Variants in DUSP22 observed in about 807,000 individuals in gnomAD.
DUSP22 encodes dual specificity protein phosphatase 22.
DUSP22 carries 24 observed loss-of-function variants against 24.5 expected under a neutral mutation model. That is an observed-to-expected ratio of 0.98 (90% CI 0.71 to 1.38). The LOEUF (loss-of-function observed/expected upper bound fraction) is 1.38. Ranked by LOEUF, DUSP22 falls within the 40% of genes most tolerant of loss-of-function variation. The pLI, the probability that DUSP22 is intolerant of heterozygous loss-of-function variation, is 0.00. For missense variants in DUSP22, 330 were observed against 269.2 expected (o/e 1.23, Z -1.58); for synonymous variants, 160 against 106.4 (o/e 1.50, Z -3.10).
At chr6:312,840 G>A (rs1473819313) in intron 3 of DUSP22, among the ~76,000 whole-genome samples, 1 of 152,306 alleles carries the variant, frequency 6.6e-6, no homozygotes, top group African/African-American at 2.4e-5. Flanking sequence ...TAAAATTGAT[G>A]AGAATGTAGA....
chr6:320,800 G>T (rs553016575), intron 3 of DUSP22, among the ~76,000 whole-genome samples: 1 of 152,418 alleles, frequency 6.6e-6, no homozygotes, highest in African/African-American at 2.4e-5. Context: ...TGATAGAGTG[G>T]AGGCGGTGGT....
At chr6:340,227 C>G (rs1345729213) in intron 4 of DUSP22, among the ~76,000 whole-genome samples, 1 of 152,300 alleles carries the variant, frequency 6.6e-6, no homozygotes, top group Non-Finnish European at 1.5e-5. Context: ...CGTGAAATAT[C>G]AAAGTTGGGG....
chr6:341,684 C>T (rs910915083), intron 4 of DUSP22, among the ~76,000 whole-genome samples: 4 of 152,310 alleles, frequency 2.6e-5, no homozygotes, highest in Admixed American at 6.5e-5. Context: ...TATCATGATG[C>T]CTGCACAAGG....
intron 4 of DUSP22, among the ~76,000 whole-genome samples, chr6:341,552 G>A (rs1759607662): frequency 6.6e-6 from 1 of 152,310 alleles, no homozygotes; most frequent in African/African-American, 2.4e-5. Context: ...GCATTTCTAG[G>A]AATATCTCTC....
At position 335,695 on chromosome 6, in the gene DUSP22, CCTT is replaced by C. The variant is rs535738051; in HGVS notation, c.188+536_188+538del. On this transcript the variant is annotated intron_variant, in intron 4 of 6. Coordinates refer to ENST00000419235, the MANE Select transcript of DUSP22 (RefSeq NM_001286555.3). ...AAAAAATTAATGAGCAAGTTTATGT[CCTT>C]CTTTCATACGAAGTCTGGGGGCTCT... 2.2e-4 allele frequency among the ~76,000 whole-genome samples: 33 copies of C among 152,402 alleles called. No individual in the cohort carries two copies. The South Asian group carries it at 5.2e-3, about 24-fold the overall frequency.
intron 2 of DUSP22, among the ~76,000 whole-genome samples, chr6:309,338 C>T (rs1470935386): frequency 3.3e-5 from 5 of 152,308 alleles, no homozygotes; most frequent in African/African-American, 9.6e-5. Flanking sequence ...TTTTCTTTCT[C>T]ACTTTGGGTC....
At chr6:295,773 C>T (rs567038198) in intron 1 of DUSP22, among the ~76,000 whole-genome samples, 2 of 150,758 alleles carry the variant, frequency 1.3e-5, no homozygotes, top group South Asian at 2.1e-4. Flanking sequence ...GCACTCCAGC[C>T]TGAGCGACAG....
At chr6:318,379 AG>A (rs2127402025) in intron 3 of DUSP22, among the ~76,000 whole-genome samples, 1 of 152,424 alleles carries the variant, frequency 6.6e-6, no homozygotes, top group Non-Finnish European at 1.5e-5. Context: ...AAAAGCTAAG[AG>A]GACATTCAGG....
chr6:349,952 C>T lies in DUSP22; in HGVS notation c.*1001C>T. On this transcript the variant is annotated 3_prime_UTR_variant, in exon 7 of 7. Coordinates refer to ENST00000419235, the MANE Select transcript of DUSP22 (RefSeq NM_001286555.3). ...CGCTGTCCTCACTTTGCAGGGGCTC[C>T]TCCTCAACATTTGCATGCACCTGCA... is the stretch of plus-strand genomic sequence containing the variant. 1 of 985,812 alleles carries T rather than the reference C, an allele frequency of 1.0e-6. No individual in the cohort carries two copies. Among genetic ancestry groups the T allele is most frequent in the Non-Finnish European group, 1.2e-6 (1 of 830,098 alleles). 61.1% of individuals were successfully genotyped at this position (985,812 alleles called of 1,614,324 possible).
intron 1 of DUSP22, among the ~76,000 whole-genome samples, chr6:294,387 C>T (rs1373023086): frequency 6.6e-6 from 1 of 152,256 alleles, no homozygotes; most frequent in Non-Finnish European, 1.5e-5. Flanking sequence ...TGGTAAATGA[C>T]CCAAAGATTC....
intron 1 of DUSP22, among the ~76,000 whole-genome samples, chr6:296,978 C>A (rs1478386177): frequency 6.6e-6 from 1 of 152,304 alleles, no homozygotes; most frequent in Non-Finnish European, 1.5e-5. Flanking sequence ...CATCCCTGTC[C>A]TTCTCGGGAA....
At chr6:345,716 A>T in intron 4 of DUSP22, 138 bp from the exon 5 acceptor site, 1 of 1,058,354 alleles carries the variant, frequency 9.4e-7, no homozygotes, top group Non-Finnish European at 1.4e-6. Flanking sequence ...ACTGTAGCCC[A>T]TAAATATGTA....
chr6:304,717 A>G (rs1426813171), intron 2 of DUSP22, 56 bp downstream of exon 2: 6 of 1,606,454 alleles, frequency 3.7e-6, no homozygotes, highest in African/African-American at 2.7e-5. Context: ...AAAATGTGTC[A>G]TCTTGACCAT....
intron 3 of DUSP22, among the ~76,000 whole-genome samples, chr6:322,006 G>C (rs1162950622): frequency 1.3e-5 from 2 of 152,310 alleles, no homozygotes; most frequent in Admixed American, 6.5e-5. Flanking sequence ...GGGCTCAGGA[G>C]AGAGGTCTCG....
intron 1 of DUSP22, among the ~76,000 whole-genome samples, chr6:297,206 C>T (rs1297514187): frequency 6.6e-6 from 1 of 152,304 alleles, no homozygotes; most frequent in Admixed American, 6.5e-5. Context: ...ACTAAGAAAC[C>T]TTAGGTGGTT....
At chr6:314,150 C>T (rs1364289087) in intron 3 of DUSP22, among the ~76,000 whole-genome samples, 2 of 152,296 alleles carry the variant, frequency 1.3e-5, no homozygotes, top group Admixed American at 6.5e-5. Context: ...GGAGACTGTG[C>T]GAGGTCAAGC....
chr6:336,809 C>T (rs1482923857), intron 4 of DUSP22, among the ~76,000 whole-genome samples: 2 of 152,304 alleles, frequency 1.3e-5, no homozygotes, highest in African/African-American at 2.4e-5. Context: ...TCCTTGGTTA[C>T]TAGTCGTGTC....
rs879483910 is a variant in DUSP22, at chr6:351,269, G to C, written c.*2318G>C. On this transcript the variant is annotated 3_prime_UTR_variant, in exon 7 of 7. Coordinates refer to ENST00000419235, the MANE Select transcript of DUSP22 (RefSeq NM_001286555.3). Reference sequence around the variant, plus strand: ...GCTTGGGAAATAGCCCTTGGTGTGGGTTTTATCTCTGGTTTGTGTTCTCCG... The same window carrying C: ...GCTTGGGAAATAGCCCTTGGTGTGGCTTTTATCTCTGGTTTGTGTTCTCCG... The C allele has an allele frequency of 9.3e-6, 2 of 215,798 alleles. No homozygotes were observed. The highest frequency in any genetic ancestry group is 5.4e-5 in the Admixed American group (1 of 18,652). 13.4% of individuals were successfully genotyped at this position (215,798 alleles called of 1,614,324 possible).
At chr6:295,236 A>G (rs1474900288) in intron 1 of DUSP22, among the ~76,000 whole-genome samples, 2 of 152,296 alleles carry the variant, frequency 1.3e-5, no homozygotes, top group African/African-American at 2.4e-5. Context: ...TTTCTTTCCA[A>G]TCTCGTACAC....
Sources: allele counts gnomAD v4.1 joint callset (sites outside exome capture counted in the v4.1 genomes callset), GRCh38; gene constraint gnomAD v4.1.1; transcripts MANE v1.5; gene names NCBI Gene and HGNC (gene_info 2026-07-23, HGNC 2026-07-21).